PIEZO2: variants seen among roughly 807,000 people sequenced by gnomAD.
The protein encoded by PIEZO2 is piezo type mechanosensitive ion channel component 2.
Under a neutral mutation model 337.3 loss-of-function variants are expected in PIEZO2, and 172 were observed. The observed-to-expected ratio is 0.51, with a 90% CI of 0.45 to 0.58. PIEZO2 has a LOEUF of 0.58. Among genes scored for constraint, PIEZO2 ranks in the 20% least tolerant of loss-of-function variants. The probability of loss-of-function intolerance (pLI) is 0.00; values close to 1 mark genes in which losing one functional copy is unlikely to be tolerated. For synonymous variants in PIEZO2, 1,251 were observed against 1,228.5 expected (o/e 1.02, Z -0.38); for missense variants, 3,028 against 3,391.3 (o/e 0.89, Z 2.66).
chr18:10,690,599 T>A (rs2034772395), intron 48 of PIEZO2, among the ~76,000 whole-genome samples: 1 of 152,196 alleles, frequency 6.6e-6, no homozygotes, highest in Admixed American at 6.5e-5. Flanking sequence ...CTGAAGGCAC[T>A]CGACACCTCT....
chr18:10,812,984 C>CTT (rs5823122), intron 7 of PIEZO2, among the ~76,000 whole-genome samples: 2,303 of 146,288 alleles, frequency 0.016, 52 homozygotes, highest in African/African-American at 0.047. Context: ...TTATTTTAAA[C>CTT]TTTTTTTTTT....
intron 2 of PIEZO2, among the ~76,000 whole-genome samples, chr18:11,034,836 C>T (rs929493747): frequency 6.6e-6 from 1 of 152,142 alleles, no homozygotes; most frequent in Non-Finnish European, 1.5e-5. Flanking sequence ...CAGAGCGAGA[C>T]TCCGTCTCAA....
chr18:11,043,995 T>C (rs954271644), intron 2 of PIEZO2, among the ~76,000 whole-genome samples: 1 of 151,998 alleles, frequency 6.6e-6, no homozygotes, highest in Non-Finnish European at 1.5e-5. Flanking sequence ...AAGAATACCA[T>C]TGTAAGTAAA....
chr18:10,688,225 C>G (rs1160231855), intron 49 of PIEZO2, among the ~76,000 whole-genome samples: 1 of 151,966 alleles, frequency 6.6e-6, no homozygotes, highest in Non-Finnish European at 1.5e-5. Flanking sequence ...TCTCATTGTT[C>G]GGCTCCCGCT....
At chr18:10,754,364 G>A (rs28708573) in intron 27 of PIEZO2, among the ~76,000 whole-genome samples, 4,148 of 152,322 alleles carry the variant, frequency 0.027, 179 homozygotes, top group African/African-American at 0.095. Context: ...GAGGAAGAGG[G>A]GAGCATGGCT....
At chr18:10,739,013 C>T (rs2037117497) in intron 33 of PIEZO2, 1 of 152,186 alleles carries the variant, frequency 6.6e-6, no homozygotes, top group Non-Finnish European at 1.5e-5. Flanking sequence ...CTAATTCTTA[C>T]ACTTGGCTTC....
intron 9 of PIEZO2, 78 bp downstream of exon 9, chr18:10,803,797 A>T: frequency 6.8e-7 from 1 of 1,480,736 alleles, no homozygotes; most frequent in Non-Finnish European, 9.0e-7. Flanking sequence ...TATATATGAT[A>T]TTATAAGGCT....
rs1378419822 is a variant in PIEZO2 at position 10,726,384 on chromosome 18, G to A, written c.5029+5023C>T. Reference sequence around the variant, plus strand: ...CCCCGCAGGCACCCACTACCTGCGGGGCGGTAACAACGCGCGCCAGCCGTG... The same window carrying A: ...CCCCGCAGGCACCCACTACCTGCGGAGCGGTAACAACGCGCGCCAGCCGTG... On this transcript the variant is annotated intron_variant, in intron 36 of 55. Coordinates refer to ENST00000674853, the MANE Select transcript of PIEZO2 (RefSeq NM_001378183.1). This position sits in a 1 kb window ranked among gnomAD's most constrained non-coding sequence, Gnocchi z 5.9. The A allele has an allele frequency of 6.6e-7, 1 of 1,522,604 alleles. No individual in the cohort carries two copies. Among genetic ancestry groups the A allele is most frequent in the Non-Finnish European group, 8.8e-7 (1 of 1,141,814 alleles). The allele number at this position is 1,522,604 out of a possible 1,614,324, so 94.3% of individuals were successfully genotyped here.
chr18:10,941,450 G>C (rs555450914), intron 3 of PIEZO2, among the ~76,000 whole-genome samples: 1 of 152,202 alleles, frequency 6.6e-6, no homozygotes, highest in South Asian at 2.1e-4. Context: ...AATTGGAAAT[G>C]AACCCCACAC....
chr18:10,984,981 C>A (rs902847060), intron 2 of PIEZO2, among the ~76,000 whole-genome samples: 1 of 152,154 alleles, frequency 6.6e-6, no homozygotes, highest in Admixed American at 6.5e-5. Flanking sequence ...GAATACTATA[C>A]CTGTCAAAGC....
At chr18:10,694,602 AGGAGGACTGCTT>A (rs912110948) in intron 47 of PIEZO2, among the ~76,000 whole-genome samples, 5 of 152,224 alleles carry the variant, frequency 3.3e-5, no homozygotes, top group African/African-American at 1.2e-4. Context: ...AGGCCCAGGC[AGGAGGACTGCTT>A]GAGTCCAGGC....
intron 13 of PIEZO2, among the ~76,000 whole-genome samples, chr18:10,792,385 C>T (rs1448031629): frequency 6.6e-6 from 1 of 152,190 alleles, no homozygotes; most frequent in African/African-American, 2.4e-5. Context: ...ATCCATTTTG[C>T]AACATTTTCA....
At chr18:10,692,583 T>C (rs1338148501) in intron 47 of PIEZO2, among the ~76,000 whole-genome samples, 1 of 151,880 alleles carries the variant, frequency 6.6e-6, no homozygotes, top group African/African-American at 2.4e-5. Flanking sequence ...CGTGGAGATA[T>C]CTAATGGTTC....
chr18:10,928,624 T>G (rs2031897688), intron 3 of PIEZO2, among the ~76,000 whole-genome samples: 1 of 152,234 alleles, frequency 6.6e-6, no homozygotes, highest in Non-Finnish European at 1.5e-5. Context: ...ATTTAGCCAT[T>G]CAGATCCCAG....
chr18:10,843,910 C>T (rs1199613056), intron 7 of PIEZO2, among the ~76,000 whole-genome samples: 1 of 152,222 alleles, frequency 6.6e-6, no homozygotes, highest in African/African-American at 2.4e-5. Flanking sequence ...GCTTCCAAAC[C>T]TCTATGTGAC....
At chr18:11,054,659 C>A (rs2037650721) in intron 2 of PIEZO2, among the ~76,000 whole-genome samples, 1 of 152,260 alleles carries the variant, frequency 6.6e-6, no homozygotes, top group African/African-American at 2.4e-5. Flanking sequence ...GGAACCAAGG[C>A]TTCCTGCCAA....
intron 2 of PIEZO2, among the ~76,000 whole-genome samples, chr18:11,024,548 A>G (rs1598845863): frequency 8.1e-5 from 3 of 36,910 alleles, no homozygotes; most frequent in Non-Finnish European, 1.6e-4. Context: ...TCTGTCTCAG[A>G]AAAAAAAAAA....
At chr18:10,937,965 A>G (rs956237644) in intron 3 of PIEZO2, among the ~76,000 whole-genome samples, 5 of 152,202 alleles carry the variant, frequency 3.3e-5, no homozygotes, top group Admixed American at 1.3e-4. Flanking sequence ...TAGAGATGAG[A>G]GAAGTGGCTT....
intron 27 of PIEZO2, among the ~76,000 whole-genome samples, chr18:10,756,446 T>G (rs1265046004): frequency 1.6e-4 from 17 of 107,574 alleles, no homozygotes; most frequent in East Asian, 2.8e-4. Context: ...GGAGGAGGGG[T>G]GGTGATGAAG....
Sources: allele counts gnomAD v4.1 joint callset (sites outside exome capture counted in the v4.1 genomes callset), GRCh38; gene constraint gnomAD v4.1.1; non-coding constraint Gnocchi (gnomAD v3.1); transcripts MANE v1.5; gene names NCBI Gene and HGNC (gene_info 2026-07-23, HGNC 2026-07-21).